The following DMXL1 variants were observed in gnomAD, a reference collection of about 807,000 sequenced individuals.
DMXL1 encodes dmX-like protein 1.
A neutral mutation model predicts 319.2 loss-of-function variants in DMXL1; 99 were observed. That is an observed-to-expected ratio of 0.31 (90% CI 0.26 to 0.37). DMXL1 has a LOEUF of 0.37. Among genes scored for constraint, DMXL1 ranks in the 10% least tolerant of loss-of-function variants. The pLI is 1.00. For missense variants in DMXL1, 3,745 were observed against 3,595.6 expected (o/e 1.04, Z -1.06); for synonymous variants, 1,385 against 1,235.2 (o/e 1.12, Z -2.54).
chr5:119,112,759 C>T (rs1160991003), intron 5 of DMXL1, among the ~76,000 whole-genome samples: 1 of 152,106 alleles, frequency 6.6e-6, no homozygotes, highest in African/African-American at 2.4e-5. Flanking sequence ...CAATTCAAGA[C>T]CAGCCTGGCC....
chr5:119,153,437 A>G (rs1172367454), intron 19 of DMXL1, among the ~76,000 whole-genome samples: 1 of 152,236 alleles, frequency 6.6e-6, no homozygotes, highest in Non-Finnish European at 1.5e-5. Context: ...TGTGGTAAGA[A>G]TATTTGAAAT....
chr5:119,202,878 TA>T (rs1331967772), intron 32 of DMXL1, among the ~76,000 whole-genome samples: 17 of 109,332 alleles, frequency 1.6e-4, no homozygotes, highest in South Asian at 8.8e-4. Context: ...TATATATATA[TA>T]TATTTTTATA....
intron 26 of DMXL1, among the ~76,000 whole-genome samples, chr5:119,175,592 G>C (rs1405667591): frequency 6.6e-6 from 1 of 152,042 alleles, no homozygotes; most frequent in African/African-American, 2.4e-5. Flanking sequence ...TTGGCACTGA[G>C]AATTTTAACG....
chr5:119,175,342 C>G lies in DMXL1; in HGVS notation c.6758+5C>G, dbSNP rs531458566. 8 of 1,601,132 alleles carry G rather than the reference C, an allele frequency of 5.0e-6. No homozygotes were observed. The East Asian group carries it at 6.7e-5, about 13-fold the overall frequency. On this transcript the variant is annotated splice_donor_5th_base_variant and intron_variant, in intron 26 of 43. Coordinates refer to ENST00000539542, the MANE Select transcript of DMXL1 (RefSeq NM_001290321.3). ...TTGTGGTAGTCATAACTACAGGTAA[C>G]TATCTTTTTATGAAATTTAAGAATG...
chr5:119,105,885 G>A (rs1323715600), intron 4 of DMXL1, among the ~76,000 whole-genome samples: 3 of 137,332 alleles, frequency 2.2e-5, no homozygotes, highest in African/African-American at 8.3e-5. Flanking sequence ...CAACAAGAGT[G>A]AAACTGTCTC....
intron 1 of DMXL1, chr5:119,081,634 A>G (rs1752209701): frequency 9.1e-6 from 9 of 984,940 alleles, no homozygotes; most frequent in Non-Finnish European, 4.8e-6. Flanking sequence ...TAATGTGAAG[A>G]AGATATAGAG....
At chr5:119,156,880 AGTT>A (rs1448427165) in intron 19 of DMXL1, among the ~76,000 whole-genome samples, 1 of 152,060 alleles carries the variant, frequency 6.6e-6, no homozygotes, top group Non-Finnish European at 1.5e-5. Context: ...AGCAGGTGTG[AGTT>A]GTTATCTCAT....
intron 2 of DMXL1, among the ~76,000 whole-genome samples, chr5:119,100,172 A>G (rs559539426): frequency 6.6e-6 from 1 of 152,190 alleles, no homozygotes; most frequent in African/African-American, 2.4e-5. Flanking sequence ...TTTACATTTA[A>G]GAAGGAAATG....
At chr5:119,083,396 C>T (rs1418168472) in intron 1 of DMXL1, among the ~76,000 whole-genome samples, 4 of 152,068 alleles carry the variant, frequency 2.6e-5, no homozygotes, top group Non-Finnish European at 5.9e-5. Flanking sequence ...CACTGATGGG[C>T]ACTCAGGTTG....
chr5:119,198,621 A>G lies in DMXL1; in HGVS notation c.7745+665A>G, dbSNP rs149358705. Among the ~76,000 whole-genome samples, 1,078 of 152,340 alleles carry G rather than the reference A, an allele frequency of 7.1e-3. 43 individuals carry two copies. Among genetic ancestry groups the G allele is most frequent in the Admixed American group, 0.066 (1,015 of 15,298 alleles). ...TACCAACATCATTCTTAACAGAATT[A>G]GAAAAAAATTATTCTAAAATCAGAT... On this transcript the variant is annotated intron_variant, in intron 32 of 43. Coordinates refer to ENST00000539542, the MANE Select transcript of DMXL1 (RefSeq NM_001290321.3).
chr5:119,204,440 A>C (rs909369114), intron 33 of DMXL1, among the ~76,000 whole-genome samples: 4 of 152,186 alleles, frequency 2.6e-5, no homozygotes, highest in Non-Finnish European at 4.4e-5. Context: ...CACCCAGCCA[A>C]CTTTTTAAAT....
chr5:119,229,091 GAT>G (rs375973663), intron 38 of DMXL1, among the ~76,000 whole-genome samples: 105 of 150,434 alleles, frequency 7.0e-4, no homozygotes, highest in African/African-American at 2.4e-3. Flanking sequence ...GAGGTGTGGG[GAT>G]AGCTTGAGCC....
rs1245558603 is a variant in DMXL1 at position 119,074,681 on chromosome 5, AC to A, written c.87+3027del. On this transcript the variant is annotated intron_variant, in intron 1 of 43. Transcript: ENST00000539542. ...TTTTGACTTTGCTCTTAGTAAGAAAACCTCTTGTGGGCAATGACCATCTCTC... is the reference window on the plus strand; with the variant it reads ...TTTTGACTTTGCTCTTAGTAAGAAAACTCTTGTGGGCAATGACCATCTCTC... Among the ~76,000 whole-genome samples, 20 of 151,872 alleles carry A rather than the reference AC, an allele frequency of 1.3e-4. 1 individual carries two copies. The highest frequency in any genetic ancestry group is 1.6e-4 in the Non-Finnish European group (11 of 67,960).
In DMXL1 at chr5:119,133,277, T is replaced by G; in HGVS notation, c.1461T>G (p.Ser487Arg). 1 of 1,614,108 alleles carries G rather than the reference T, an allele frequency of 6.2e-7. No homozygotes were observed. The highest frequency in any genetic ancestry group is 1.1e-5 in the South Asian group (1 of 91,086). Residue 487 changes from serine to arginine, a missense_variant, in exon 11 of 44, where the codon AGT becomes AGG. This residue lies in a region of DMXL1 where 2,096 missense variants were observed against 1,985.4 expected (regional missense o/e 1.06). Coordinates refer to ENST00000539542, the MANE Select transcript of DMXL1 (RefSeq NM_001290321.3). ...HQIEVLLSEW[S>R]KNADMLFSIH... is the part of the protein sequence containing the mutation. ...TTGAAGTACTTCTGTCTGAATGGAGTAAAAATGCAGATATGCTATTTAGTA... is the reference window on the plus strand; with the variant it reads ...TTGAAGTACTTCTGTCTGAATGGAGGAAAAATGCAGATATGCTATTTAGTA...
chr5:119,234,971 A>G (rs1787468017), intron 39 of DMXL1, among the ~76,000 whole-genome samples: 1 of 152,176 alleles, frequency 6.6e-6, no homozygotes, highest in Admixed American at 6.6e-5. Flanking sequence ...TTAAGGCACA[A>G]AAAACTGCTT....
chr5:119,102,385 C>T (rs1161695781), intron 3 of DMXL1, among the ~76,000 whole-genome samples: 2 of 152,124 alleles, frequency 1.3e-5, no homozygotes. Context: ...CTCTTCAGGG[C>T]TTAACTTTCT....
chr5:119,132,582 A>T, intron 10 of DMXL1: 2 of 272,880 alleles, frequency 7.3e-6, no homozygotes, highest in Non-Finnish European at 1.5e-5. Flanking sequence ...TGGGAGGCTG[A>T]GGCGGAATTG....
chr5:119,071,516 C>CTG lies in DMXL1; in HGVS notation c.-53_-52dup. The CTG allele has an allele frequency of 6.5e-7, 1 of 1,532,756 alleles. No individual in the cohort carries two copies. The allele number at this position is 1,532,756 out of a possible 1,614,324, so 94.9% of individuals were successfully genotyped here. A position where few individuals can be genotyped will look rare whatever the true frequency, so the allele number is the denominator to read the frequency against. ...AGGGAAGGAGGGAGGGAAGCAGCCG[C>CTG]TGACCCGTGGCATGAGCTGGATGCG... is the stretch of plus-strand genomic sequence containing the variant. On this transcript the variant is annotated 5_prime_UTR_variant, in exon 1 of 44. Transcript: ENST00000539542.
Position 119,170,189 on chromosome 5 carries a change from G to A in DMXL1, c.5399-1G>A. On this transcript the variant is annotated splice_acceptor_variant, in intron 23 of 43. Coordinates refer to ENST00000539542, the MANE Select transcript of DMXL1 (RefSeq NM_001290321.3). LOFTEE classifies it high-confidence loss of function. Reference sequence around the variant, plus strand: ...GGCTCATAAAATGAATTTACTTTCAGATCAAGTTTTATCAGCCAGTAATCC... The same window carrying A: ...GGCTCATAAAATGAATTTACTTTCAAATCAAGTTTTATCAGCCAGTAATCC... 1 of 1,587,678 alleles carries A rather than the reference G, an allele frequency of 6.3e-7. No homozygotes were observed. Among genetic ancestry groups the A allele is most frequent in the Non-Finnish European group, 8.5e-7 (1 of 1,170,464 alleles).
Sources: gnomAD v4.1 joint callset for allele counts (sites outside exome capture counted in the v4.1 genomes callset) on GRCh38, gnomAD v4.1.1 for gene constraint, gnomAD v4.1.1 regional missense constraint, MANE v1.5 for transcripts, NCBI Gene and HGNC (gene_info 2026-07-23, HGNC 2026-07-21) for gene names.